PLCZ1: variants seen among roughly 807,000 people sequenced by gnomAD.
PLCZ1 encodes the protein 1-phosphatidylinositol 4,5-bisphosphate phosphodiesterase zeta-1.
A neutral mutation model predicts 76.8 loss-of-function variants in PLCZ1; 64 were observed. That is an observed-to-expected ratio of 0.83 (90% CI 0.68 to 1.03). The LOEUF is 1.03. PLCZ1 is among the 50% of genes least tolerant of loss of function. PLCZ1 has a pLI of 0.00. For synonymous variants in PLCZ1, 248 were observed against 230.8 expected (o/e 1.07, Z -0.68); for missense variants, 751 against 713.7 (o/e 1.05, Z -0.60).
the PLCZ1 span, among the ~76,000 whole-genome samples, chr12:18,676,478 C>T: frequency 6.6e-6 from 1 of 152,060 alleles, no homozygotes; most frequent in African/African-American, 2.4e-5. Context: ...GCTAGTATCC[C>T]ATTGAGTACT....
chr12:18,683,377 C>T, intron 14 of PLCZ1, 53 bp from the exon 15 acceptor site: 3 of 1,558,216 alleles, frequency 1.9e-6, no homozygotes, highest in Non-Finnish European at 2.7e-6. Flanking sequence ...TCAGTGGTGT[C>T]TCCAATAGCC....
chr12:18,737,524 G>A lies in PLCZ1; in HGVS notation c.-138-15C>T, dbSNP rs1592313469. 5 of 1,030,808 alleles carry A rather than the reference G, an allele frequency of 4.9e-6. No individual in the cohort carries two copies. The highest frequency in any genetic ancestry group is 2.7e-5 in the East Asian group (1 of 36,698). 63.9% of individuals were successfully genotyped at this position (1,030,808 alleles called of 1,614,324 possible). ...TTACCACTTTTCTAGGGAGAAAGCA[G>A]AGAACACACAGTGGTTTTTTTTGCC... On this transcript the variant is annotated splice_polypyrimidine_tract_variant and intron_variant, in intron 1 of 14. Coordinates refer to ENST00000266505, the MANE Select transcript of PLCZ1 (RefSeq NM_033123.4).
At position 18,694,891 on chromosome 12, in the gene PLCZ1, G is replaced by T. The variant is rs1954731193; in HGVS notation, c.1461+19C>A. 6.4e-7 allele frequency: 1 copy of T among 1,553,072 alleles called. No individual in the cohort carries two copies. Among genetic ancestry groups the T allele is most frequent in the Non-Finnish European group, 8.8e-7 (1 of 1,134,224 alleles). On this transcript the variant is annotated intron_variant, in intron 12 of 14. Transcript: ENST00000266505. Reference sequence around the variant, plus strand: ...TATATAATAACCAAAAAATGTAAAAGAAAATTTATTAATCTTACCCTTATT... The same window carrying T: ...TATATAATAACCAAAAAATGTAAAATAAAATTTATTAATCTTACCCTTATT...
chr12:18,681,048 G>A (rs962083803), downstream of PLCZ1, among the ~76,000 whole-genome samples: 5 of 152,004 alleles, frequency 3.3e-5, no homozygotes, highest in African/African-American at 9.7e-5. Flanking sequence ...TCATGATTCC[G>A]GAATGTTCTT....
intron 14 of PLCZ1, chr12:18,683,744 AG>A: frequency 1.4e-6 from 1 of 715,956 alleles, no homozygotes; most frequent in Non-Finnish European, 2.2e-6. Flanking sequence ...GGGTCAGGAA[AG>A]GATAGTCTCA....
chr12:18,646,412 G>A, the PLCZ1 span, among the ~76,000 whole-genome samples: 11 of 152,214 alleles, frequency 7.2e-5, no homozygotes, highest in East Asian at 1.9e-4. Context: ...GACCGCATTC[G>A]CATATCATAT....
chr12:18,701,640 TC>T lies in PLCZ1; in HGVS notation c.949+51del. On this transcript the variant is annotated intron_variant, in intron 8 of 14. Transcript: ENST00000266505. ...CTCCTCCTCCTCCTCCTCCTCCTCC[TC>T]CTCCTCCTCCTCTCCATCTGCCACT... The T allele has an allele frequency of 4.4e-6, 7 of 1,573,308 alleles. No homozygotes were observed. In the African/African-American group the frequency reaches 8.3e-5, roughly 19 times the overall value.
the PLCZ1 span, among the ~76,000 whole-genome samples, chr12:18,658,884 G>A: frequency 6.6e-6 from 1 of 152,130 alleles, no homozygotes; most frequent in South Asian, 2.1e-4. Flanking sequence ...TTTGCATTAT[G>A]AAACCTGTAA....
At position 18,683,492 on chromosome 12, in the gene PLCZ1, C is replaced by T. The variant is rs1015610542; in HGVS notation, c.1742-168G>A. Reference sequence around the variant, plus strand: ...ATCTTCCACAAAAATTAAATATTTGCATTTTCTATTCTGACTTCCTAACTG... The same window carrying T: ...ATCTTCCACAAAAATTAAATATTTGTATTTTCTATTCTGACTTCCTAACTG... On this transcript the variant is annotated intron_variant, in intron 14 of 14. Transcript: ENST00000266505. 12 of 1,484,122 alleles carry T rather than the reference C, an allele frequency of 8.1e-6. No individual in the cohort carries two copies. In the African/African-American group the frequency reaches 1.7e-4, roughly 21 times the overall value. The allele number at this position is 1,484,122 out of a possible 1,614,324, so 91.9% of individuals were successfully genotyped here. A position where few individuals can be genotyped will look rare whatever the true frequency, so the allele number is the denominator to read the frequency against.
At chr12:18,671,970 C>T in the PLCZ1 span, among the ~76,000 whole-genome samples, 1 of 152,042 alleles carries the variant, frequency 6.6e-6, no homozygotes. Context: ...GCTCTTTTAT[C>T]AGGACACAAA....
chr12:18,711,879 G>A (rs920417063), intron 6 of PLCZ1, among the ~76,000 whole-genome samples: 2 of 151,996 alleles, frequency 1.3e-5, no homozygotes, highest in African/African-American at 4.8e-5. Context: ...AGGAGAATCA[G>A]TGCCATACTC....
At chr12:18,734,406 A>G (rs974520324) in intron 3 of PLCZ1, among the ~76,000 whole-genome samples, 1 of 152,174 alleles carries the variant, frequency 6.6e-6, no homozygotes, top group Admixed American at 6.5e-5. Flanking sequence ...GCTGAAGTGC[A>G]GTGGCGCAAT....
At chr12:18,650,214 C>A in the PLCZ1 span, among the ~76,000 whole-genome samples, 260 of 151,520 alleles carry the variant, frequency 1.7e-3, 8 homozygotes, top group East Asian at 0.037. Context: ...CCTGTTTTAT[C>A]CACATCCTTT....
At chr12:18,705,013 A>T (rs1036433035) in intron 7 of PLCZ1, among the ~76,000 whole-genome samples, 153 bp downstream of exon 7, 1 of 152,174 alleles carries the variant, frequency 6.6e-6, no homozygotes, top group African/African-American at 2.4e-5. Flanking sequence ...TCATGAGAAC[A>T]TTCCCTAGGC....
chr12:18,651,783 A>C, the PLCZ1 span, among the ~76,000 whole-genome samples: 1 of 152,184 alleles, frequency 6.6e-6, no homozygotes, highest in Admixed American at 6.6e-5. Flanking sequence ...CTTGCAGGGT[A>C]TATGAATGTC....
the PLCZ1 span, among the ~76,000 whole-genome samples, chr12:18,668,613 C>T: frequency 6.6e-6 from 1 of 152,140 alleles, no homozygotes; most frequent in Non-Finnish European, 1.5e-5. Context: ...GACCAACACC[C>T]TGGGGAAGCC....
chr12:18,734,646 C>T (rs370696170), intron 3 of PLCZ1, among the ~76,000 whole-genome samples: 10 of 152,314 alleles, frequency 6.6e-5, no homozygotes, highest in Admixed American at 2.6e-4. Flanking sequence ...CCACCACACC[C>T]GGCCTTGTGG....
At chr12:18,675,959 A>G in the PLCZ1 span, among the ~76,000 whole-genome samples, 1 of 152,148 alleles carries the variant, frequency 6.6e-6, no homozygotes, top group Admixed American at 6.6e-5. Context: ...CTCAAACATC[A>G]CAATTATATA....
chr12:18,705,123 T>C (rs1342138139), intron 7 of PLCZ1, 43 bp downstream of exon 7: 4 of 1,605,070 alleles, frequency 2.5e-6, no homozygotes, highest in Admixed American at 1.7e-5. Context: ...CATGTTTTCA[T>C]GGACTTTTTT....
Sources: gnomAD v4.1 joint callset for allele counts (sites outside exome capture counted in the v4.1 genomes callset) on GRCh38, gnomAD v4.1.1 for gene constraint, MANE v1.5 for transcripts, NCBI Gene and HGNC (gene_info 2026-07-23, HGNC 2026-07-21) for gene names.